Variants in ESRRG observed in about 807,000 individuals in gnomAD.
ESRRG encodes the protein estrogen-related receptor gamma.
Under a neutral mutation model 44.0 loss-of-function variants are expected in ESRRG, and 13 were observed. That is an observed-to-expected ratio of 0.30 (90% confidence interval 0.19 to 0.47). The LOEUF (loss-of-function observed/expected upper bound fraction) is 0.47. Among genes scored for constraint, ESRRG ranks in the 20% least tolerant of loss-of-function variants. The pLI, the probability that ESRRG is intolerant of heterozygous loss-of-function variation, is 1.00. For synonymous variants in ESRRG, 215 were observed against 214.6 expected (o/e 1.00, Z -0.02); for missense variants, 395 against 580.6 (o/e 0.68, Z 3.29).
Position 216,507,036 on chromosome 1 carries a change from G to T in ESRRG, c.1280C>A (p.Thr427Asn). Residue 427 changes from threonine (T) to asparagine (N), a missense_variant, in exon 7 of 7, where the codon ACC (threonine) becomes AAC (asparagine). This residue lies in a region of ESRRG where 167 missense variants were observed against 251.8 expected (regional missense o/e 0.66). Transcript: ENST00000408911. ...GAAATGCTGCACGGCCTTGGTAGAG[G>T]TCTGCCTCAGGAGTGGCAGTGTCAT... ...MLMTLPLLRQTSTKAVQHFYN... is the reference protein window; with the variant it reads ...MLMTLPLLRQNSTKAVQHFYN... The T allele has an allele frequency of 1.2e-6, 2 of 1,614,062 alleles. No homozygotes were observed. Among genetic ancestry groups the T allele is most frequent in the Non-Finnish European group, 1.7e-6 (2 of 1,179,960 alleles).
At position 216,677,421 on chromosome 1, in the gene ESRRG, G is replaced by C. The variant is rs773155899; in HGVS notation, c.127C>G (p.Pro43Ala). 3 of 1,614,030 alleles carry C rather than the reference G, an allele frequency of 1.9e-6. No individual in the cohort carries two copies. Among genetic ancestry groups the C allele is most frequent in the African/African-American group, 1.3e-5 (1 of 74,908 alleles). ...SSCSSFIKTE[P>A]SSPASLTDSV... ...TCCGTCAGGGAGGCTGGGCTGGAAG[G>C]TTCCGTCTTGATGAAGGACGAACAG... Residue 43 changes from proline to alanine, a missense_variant, in exon 2 of 7, where the codon CCT (proline) becomes GCT (alanine). Physicochemically the swap from Pro to Ala is conservative, Grantham distance 27. Transcript: ENST00000408911.
chr1:216,788,589 C>A (rs1242399425), intron 2 of ESRRG, among the ~76,000 whole-genome samples: 2 of 152,124 alleles, frequency 1.3e-5, no homozygotes, highest in African/African-American at 4.8e-5. Flanking sequence ...GTCTTCATGT[C>A]TGCCAACACA....
chr1:217,131,715 C>T (rs1236320415), intron 1 of ESRRG, among the ~76,000 whole-genome samples: 1 of 152,152 alleles, frequency 6.6e-6, no homozygotes, highest in Non-Finnish European at 1.5e-5. Context: ...GAACATATGG[C>T]TAATACATAA....
At chr1:216,740,627 C>G (rs1238490007) in intron 2 of ESRRG, among the ~76,000 whole-genome samples, 1 of 145,784 alleles carries the variant, frequency 6.9e-6, no homozygotes, top group Admixed American at 6.9e-5. Context: ...ACGTGCTTAA[C>G]ATTAAAAAAA....
rs115145383 is a variant in ESRRG, at chr1:216,901,785, G to A, written c.-14+37797C>T. On this transcript the variant is annotated intron_variant, in intron 2 of 7. Transcript: ENST00000359162. ...CTTCTTTTATTTTTTTCAGGGACAG[G>A]GTCTCACTCTGCTGCCCAGGCTGGA... Among the ~76,000 whole-genome samples the A allele has an allele frequency of 9.3e-3, 1,376 of 148,086 alleles. 23 individuals carry two copies. Among genetic ancestry groups the A allele is most frequent in the African/African-American group, 0.032 (1,301 of 40,258 alleles).
intron 2 of ESRRG, among the ~76,000 whole-genome samples, chr1:216,935,467 C>G (rs1005955204): frequency 2.0e-5 from 3 of 152,106 alleles, no homozygotes; most frequent in African/African-American, 7.2e-5. Context: ...AGATGAACAG[C>G]CAGCCAGATA....
intron 1 of ESRRG, among the ~76,000 whole-genome samples, chr1:217,095,483 C>G (rs1258058999): frequency 2.6e-5 from 4 of 152,102 alleles, no homozygotes; most frequent in Non-Finnish European, 5.9e-5. Context: ...GTCCACTGCA[C>G]TTGTTGAGGT....
intron 5 of ESRRG, among the ~76,000 whole-genome samples, chr1:216,549,903 G>C (rs1003531392): frequency 1.3e-5 from 2 of 152,030 alleles, no homozygotes; most frequent in Non-Finnish European, 2.9e-5. Context: ...AGGAAATATA[G>C]AAGATTGGAG....
At chr1:216,559,062 G>C (rs938487091) in intron 5 of ESRRG, among the ~76,000 whole-genome samples, 1 of 151,950 alleles carries the variant, frequency 6.6e-6, no homozygotes, top group African/African-American at 2.4e-5. Context: ...TAGAGACGGG[G>C]TTTTGCCATG....
chr1:216,660,250 G>A (rs778338494), intron 2 of ESRRG, among the ~76,000 whole-genome samples: 2 of 152,152 alleles, frequency 1.3e-5, no homozygotes, highest in Non-Finnish European at 2.9e-5. Context: ...CTGCAGAAAT[G>A]AGACTAAAAC....
At chr1:216,792,839 G>GA in intron 2 of ESRRG, among the ~76,000 whole-genome samples, 1 of 132,920 alleles carries the variant, frequency 7.5e-6, no homozygotes, top group Non-Finnish European at 1.7e-5. Context: ...GAGCCATGGA[G>GA]GGGACTCATT....
At chr1:216,899,835 C>G (rs1384394775) in intron 2 of ESRRG, among the ~76,000 whole-genome samples, 1 of 152,114 alleles carries the variant, frequency 6.6e-6, no homozygotes, top group Admixed American at 6.6e-5. Flanking sequence ...ATCAGCCCAC[C>G]AAGAAGGTGA....
chr1:217,117,983 C>T (rs1282950107), intron 1 of ESRRG, among the ~76,000 whole-genome samples: 1 of 152,184 alleles, frequency 6.6e-6, no homozygotes, highest in Admixed American at 6.5e-5. Flanking sequence ...TCATCTTTGT[C>T]ACCATAAAGT....
chr1:217,067,953 C>T (rs951447378), intron 1 of ESRRG, among the ~76,000 whole-genome samples: 2 of 151,702 alleles, frequency 1.3e-5, no homozygotes, highest in Non-Finnish European at 2.9e-5. Flanking sequence ...CATCTCCACA[C>T]ACACTAGATC....
At chr1:216,885,787 G>A (rs978171221) in intron 2 of ESRRG, among the ~76,000 whole-genome samples, 2 of 151,452 alleles carry the variant, frequency 1.3e-5, no homozygotes, top group African/African-American at 4.9e-5. Context: ...CAAATATACG[G>A]GCTATCTTTT....
At chr1:217,077,774 T>C (rs1291071208) in intron 1 of ESRRG, among the ~76,000 whole-genome samples, 1 of 152,228 alleles carries the variant, frequency 6.6e-6, no homozygotes, top group African/African-American at 2.4e-5. Context: ...TGAATTTATG[T>C]GGTTAATTCT....
chr1:217,116,538 A>G (rs2092730857), intron 1 of ESRRG, among the ~76,000 whole-genome samples: 1 of 152,340 alleles, frequency 6.6e-6, no homozygotes. Context: ...ATAATCCTTC[A>G]GTATTTCAAG....
intron 2 of ESRRG, among the ~76,000 whole-genome samples, chr1:216,833,291 G>A (rs182257995): frequency 1.3e-5 from 2 of 152,300 alleles, no homozygotes; most frequent in African/African-American, 4.8e-5. Flanking sequence ...TTTTGAAAAT[G>A]TGTAATTTAG....
chr1:217,053,465 A>AAAAAGAAAGAAAG (rs1028599141), intron 1 of ESRRG, among the ~76,000 whole-genome samples: 1 of 145,514 alleles, frequency 6.9e-6, no homozygotes, highest in Non-Finnish European at 1.5e-5. Context: ...AAAGCCAAAA[A>AAAAAGAAAGAAAG]AAAGAAAGAA....
Sources: gnomAD v4.1 joint callset for allele counts (sites outside exome capture counted in the v4.1 genomes callset) on GRCh38, gnomAD v4.1.1 for gene constraint, gnomAD v4.1.1 regional missense constraint, MANE v1.5 for transcripts, NCBI Gene and HGNC (gene_info 2026-07-23, HGNC 2026-07-21) for gene names.